Variants in BTRC observed in about 807,000 individuals in gnomAD.
The protein encoded by BTRC is beta-transducin repeat containing E3 ubiquitin protein ligase, also known as F-box/WD repeat-containing protein 1A.
Under a neutral mutation model 85.5 loss-of-function variants are expected in BTRC, and 42 were observed. That is an observed-to-expected ratio of 0.49 (90% CI 0.38 to 0.64). BTRC has a LOEUF of 0.64. Ranked by LOEUF, BTRC falls within the 30% of genes least tolerant of loss-of-function variation. The pLI, the probability that BTRC is intolerant of heterozygous loss-of-function variation, is 0.00. For missense variants in BTRC, 594 were observed against 743.5 expected (o/e 0.80, Z 2.34); for synonymous variants, 255 against 263.3 (o/e 0.97, Z 0.30).
At chr10:101,516,497 C>A (rs2062025577) in intron 4 of BTRC, among the ~76,000 whole-genome samples, 1 of 152,112 alleles carries the variant, frequency 6.6e-6, no homozygotes. Context: ...ATGTGTCTTT[C>A]TGCCTCATCA....
At chr10:101,497,112 C>A (rs77012276) in intron 4 of BTRC, among the ~76,000 whole-genome samples, 1 of 152,170 alleles carries the variant, frequency 6.6e-6, no homozygotes, top group African/African-American at 2.4e-5. Context: ...GGTGAGAATT[C>A]TTTGTTTTCC....
chr10:101,533,049 G>C lies in BTRC; in HGVS notation c.1076G>C (p.Gly359Ala). The change falls in exon 9 of 15, where the codon GGA (glycine) becomes GCA (alanine). Residue 359 changes from glycine (G) to alanine (A), a missense_variant. Around this residue, in one of 4 missense-constraint regions of BTRC, gnomAD observed 373 missense variants for 503.6 expected, o/e 0.74. Transcript: ENST00000370187. ...LQYDERVIIT[G>A]SSDSTVRVWD... is the part of the protein sequence containing the mutation. ...TATGATGAGAGAGTGATCATAACAG[G>C]ATCATCGGATTCCACGGTCAGGTAG... is the stretch of plus-strand genomic sequence containing the variant. 6.2e-7 allele frequency: 1 copy of C among 1,611,272 alleles called. No homozygotes were observed. The highest frequency in any genetic ancestry group is 8.5e-7 in the Non-Finnish European group (1 of 1,177,776).
At chr10:101,367,024 T>TA (rs1379919682) in intron 1 of BTRC, among the ~76,000 whole-genome samples, 1 of 61,730 alleles carries the variant, frequency 1.6e-5, no homozygotes, top group Non-Finnish European at 3.3e-5. Flanking sequence ...ATATTTATAT[T>TA]TATATATTTA....
chr10:101,407,837 C>T (rs1427762219), intron 1 of BTRC, among the ~76,000 whole-genome samples: 3 of 151,860 alleles, frequency 2.0e-5, no homozygotes, highest in Non-Finnish European at 4.4e-5. Context: ...ATTTTCCTGC[C>T]TCAGCCTCCC....
intron 2 of BTRC, among the ~76,000 whole-genome samples, chr10:101,443,706 A>C (rs748135600): frequency 2.4e-4 from 36 of 152,210 alleles, no homozygotes; most frequent in Non-Finnish European, 4.3e-4. Context: ...TGAGGTACTT[A>C]GATTTCTTGT....
At position 101,403,984 on chromosome 10, in the gene BTRC, A is replaced by ATGTGTG. The variant is rs1217692469; in HGVS notation, c.49-26356_49-26355insGTGTGT. Among the ~76,000 whole-genome samples, 403 of 95,758 alleles carry ATGTGTG rather than the reference A, an allele frequency of 4.2e-3. 7 individuals are homozygous for ATGTGTG. The highest frequency in any genetic ancestry group is 6.4e-3 in the Non-Finnish European group (294 of 46,168). 62.8% of individuals were successfully genotyped at this position (95,758 alleles called of 152,430 possible). On this transcript the variant is annotated intron_variant, in intron 1 of 14. Coordinates refer to ENST00000370187, the MANE Select transcript of BTRC (RefSeq NM_033637.4). ...TTATTGGAACATTTTAATCCTATCT[A>ATGTGTG]TGTGTATGTGTGTGTGTGTATATAT...
At chr10:101,512,197 C>T (rs2061965925) in intron 4 of BTRC, among the ~76,000 whole-genome samples, 1 of 152,108 alleles carries the variant, frequency 6.6e-6, no homozygotes, top group African/African-American at 2.4e-5. Flanking sequence ...TTGTCCTGCC[C>T]CTCCTAGGCT....
chr10:101,539,071 T>C (rs986893305), intron 13 of BTRC, among the ~76,000 whole-genome samples: 14 of 149,254 alleles, frequency 9.4e-5, no homozygotes, highest in African/African-American at 2.9e-4. Context: ...AAAACTGCCC[T>C]GGGAATCTGC....
At position 101,521,707 on chromosome 10, in the gene BTRC, A is replaced by G; in HGVS notation, c.393A>G (p.Glu131=). 1 of 1,614,202 alleles carries G rather than the reference A, an allele frequency of 6.2e-7. No individual in the cohort carries two copies. Among genetic ancestry groups the G allele is most frequent in the Non-Finnish European group, 8.5e-7 (1 of 1,180,034 alleles). The stretch of plus-strand genomic sequence containing the variant: ...AACGGAAACTCTCAGCAAGCTATGA[A>G]AAGGAAAAGGAACTGTGTGTCAAAT... ...PKQRKLSASY[E]KEKELCVKYF... The change falls in exon 5 of 15, where the codon GAA becomes GAG. Residue 131 remains glutamate, a synonymous_variant. Transcript: ENST00000370187.
intron 1 of BTRC, among the ~76,000 whole-genome samples, chr10:101,424,442 T>G (rs1291800427): frequency 6.6e-6 from 1 of 152,204 alleles, no homozygotes; most frequent in Non-Finnish European, 1.5e-5. Flanking sequence ...ATTTCTTAGT[T>G]GATATAGTAG....
chr10:101,441,899 A>AG, intron 2 of BTRC, among the ~76,000 whole-genome samples: 1 of 151,728 alleles, frequency 6.6e-6, no homozygotes, highest in South Asian at 2.1e-4. Context: ...AAAAAAAAAA[A>AG]AGTGTAATAA....
At chr10:101,547,832 A>T (rs565153291) in intron 13 of BTRC, among the ~76,000 whole-genome samples, 1 of 152,210 alleles carries the variant, frequency 6.6e-6, no homozygotes, top group Non-Finnish European at 1.5e-5. Flanking sequence ...TATGCCAGGT[A>T]TGCAAGGCTG....
chr10:101,381,962 C>CTTTTTTTTTTTTTTTTTTGT (rs1942941339), intron 1 of BTRC, among the ~76,000 whole-genome samples: 1 of 49,106 alleles, frequency 2.0e-5, no homozygotes, highest in African/African-American at 1.1e-4. Context: ...CTAAGAATGT[C>CTTTTTTTTTTTTTTTTTTGT]TTTTTTTTTT....
At chr10:101,436,625 A>ATAGATAG (rs1554877658) in intron 2 of BTRC, among the ~76,000 whole-genome samples, 6 of 147,084 alleles carry the variant, frequency 4.1e-5, no homozygotes, top group South Asian at 2.2e-4. Flanking sequence ...AATTAAAAAA[A>ATAGATAG]ATAGATAGAT....
At chr10:101,355,183 G>A (rs989405627) in intron 1 of BTRC, among the ~76,000 whole-genome samples, 1 of 152,126 alleles carries the variant, frequency 6.6e-6, no homozygotes, top group Non-Finnish European at 1.5e-5. Context: ...AGGAAAGGCC[G>A]TGGAGATGAG....
intron 2 of BTRC, among the ~76,000 whole-genome samples, chr10:101,432,535 G>A (rs565807544): frequency 2.0e-5 from 3 of 151,956 alleles, no homozygotes; most frequent in East Asian, 3.9e-4. Context: ...TAACCTTTTC[G>A]GGGTTGCAGT....
chr10:101,381,177 G>A (rs1194139616), intron 1 of BTRC, among the ~76,000 whole-genome samples: 4 of 152,066 alleles, frequency 2.6e-5, no homozygotes, highest in South Asian at 2.1e-4. Flanking sequence ...AGTATATACC[G>A]TGCAGGATTC....
At chr10:101,377,812 G>A (rs1384045206) in intron 1 of BTRC, among the ~76,000 whole-genome samples, 1 of 152,010 alleles carries the variant, frequency 6.6e-6, no homozygotes, top group Admixed American at 6.6e-5. Flanking sequence ...GTACTCTGAA[G>A]CCTATCTACA....
At chr10:101,477,086 T>C (rs1208729291) in intron 3 of BTRC, among the ~76,000 whole-genome samples, 7 of 152,064 alleles carry the variant, frequency 4.6e-5, no homozygotes, top group Non-Finnish European at 7.4e-5. Context: ...AAGCGATTCT[T>C]CTGCCTCAGC....
Sources: allele counts gnomAD v4.1 joint callset (sites outside exome capture counted in the v4.1 genomes callset), GRCh38; gene constraint gnomAD v4.1.1; regional missense constraint gnomAD v4.1.1; transcripts MANE v1.5; gene names NCBI Gene and HGNC (gene_info 2026-07-23, HGNC 2026-07-21).